UTRN: variants seen among roughly 807,000 people sequenced by gnomAD.
UTRN encodes the protein dystrophin-related protein 1.
A neutral mutation model predicts 463.9 loss-of-function variants in UTRN; 283 were observed. That is an observed-to-expected ratio of 0.61 (90% CI 0.55 to 0.67). The LOEUF (loss-of-function observed/expected upper bound fraction) is 0.67. UTRN is among the 30% of genes least tolerant of loss of function. UTRN has a pLI of 0.00. For missense variants in UTRN, 3,922 were observed against 4,084.3 expected (o/e 0.96, Z 1.08); for synonymous variants, 1,442 against 1,431.5 (o/e 1.01, Z -0.17).
At chr6:144,515,013 T>C (rs1795493475) in intron 37 of UTRN, among the ~76,000 whole-genome samples, 193 bp downstream of exon 37, 1 of 152,218 alleles carries the variant, frequency 6.6e-6, no homozygotes, top group Non-Finnish European at 1.5e-5. Context: ...GCTATTCTCC[T>C]GCCTCAGCCA....
chr6:144,490,182 CAGAT>C lies in UTRN; in HGVS notation c.4247_4250del (p.Gln1416ArgfsTer38), dbSNP rs1182718669. The C allele has an allele frequency of 1.2e-6, 2 of 1,610,152 alleles. No individual in the cohort carries two copies. The highest frequency in any genetic ancestry group is 1.7e-6 in the Non-Finnish European group (2 of 1,178,760). On this transcript the variant is annotated frameshift_variant, in exon 31 of 75. Transcript: ENST00000367545. LOFTEE classifies it high-confidence loss of function. ...GAGTAGGACTGCCAGAGGAGGAAGT[CAGAT>C]GGATGTGCTACAGGTAAAGAAGGCC...
At chr6:144,771,995 A>T in intron 59 of UTRN, 27 bp downstream of exon 59, 1 of 1,065,580 alleles carries the variant, frequency 9.4e-7, no homozygotes, top group Non-Finnish European at 1.3e-6. Context: ...GTAATAAATT[A>T]ACCTAAACAA....
At chr6:144,567,805 C>T (rs759730517) in intron 50 of UTRN, among the ~76,000 whole-genome samples, 14 of 152,212 alleles carry the variant, frequency 9.2e-5, no homozygotes, top group Non-Finnish European at 1.5e-4. Flanking sequence ...TGGCAACACA[C>T]ATTGATGGGT....
At chr6:144,792,655 T>C (rs1343345379) in intron 62 of UTRN, among the ~76,000 whole-genome samples, 2 of 152,256 alleles carry the variant, frequency 1.3e-5, no homozygotes, top group Non-Finnish European at 2.9e-5. Context: ...CTTCTATTCT[T>C]GGAAAATGTC....
intron 53 of UTRN, among the ~76,000 whole-genome samples, chr6:144,703,443 G>T (rs1190381646): frequency 6.6e-6 from 1 of 152,150 alleles, no homozygotes; most frequent in Non-Finnish European, 1.5e-5. Flanking sequence ...GGGATTGGAT[G>T]AGATCACCTA....
At chr6:144,660,487 G>A (rs1779763813) in intron 51 of UTRN, among the ~76,000 whole-genome samples, 1 of 152,032 alleles carries the variant, frequency 6.6e-6, no homozygotes, top group South Asian at 2.1e-4. Flanking sequence ...TTCTCATGAT[G>A]CCTGTCACTT....
intron 35 of UTRN, among the ~76,000 whole-genome samples, chr6:144,513,004 A>C (rs1212276258): frequency 6.6e-6 from 1 of 152,176 alleles, no homozygotes; most frequent in Admixed American, 6.5e-5. Context: ...GTCACACTCT[A>C]ACTTCTTGCC....
intron 13 of UTRN, among the ~76,000 whole-genome samples, chr6:144,443,157 G>GATTGTTCA (rs1787338090): frequency 6.6e-6 from 1 of 152,282 alleles, no homozygotes; most frequent in East Asian, 1.9e-4. Flanking sequence ...ACAATACTTG[G>GATTGTTCA]ATTTTCTGGT....
chr6:144,616,554 GC>G (rs1435491008), intron 51 of UTRN, among the ~76,000 whole-genome samples: 5 of 148,722 alleles, frequency 3.4e-5, no homozygotes, highest in African/African-American at 9.9e-5. Context: ...TTTTTGAAAA[GC>G]CCTTTTTTAA....
intron 51 of UTRN, among the ~76,000 whole-genome samples, chr6:144,591,141 A>G (rs1295896790): frequency 6.6e-6 from 1 of 152,158 alleles, no homozygotes; most frequent in Non-Finnish European, 1.5e-5. Flanking sequence ...TCTCTGAAGT[A>G]ACCCTTACAT....
chr6:144,375,139 T>C (rs1780345638), intron 2 of UTRN, among the ~76,000 whole-genome samples: 1 of 152,188 alleles, frequency 6.6e-6, no homozygotes, highest in African/African-American at 2.4e-5. Context: ...TGAATGTTTT[T>C]TGAAAATATT....
intron 53 of UTRN, among the ~76,000 whole-genome samples, chr6:144,718,507 A>G (rs1446479668): frequency 1.3e-5 from 2 of 152,146 alleles, no homozygotes; most frequent in African/African-American, 2.4e-5. Flanking sequence ...TAGTTTCAAA[A>G]TATCTTTTCA....
At chr6:144,703,019 T>C (rs1049827255) in intron 53 of UTRN, among the ~76,000 whole-genome samples, 1 of 152,106 alleles carries the variant, frequency 6.6e-6, no homozygotes, top group Non-Finnish European at 1.5e-5. Context: ...AAGAGTAGAA[T>C]ATAGAGGAGT....
At chr6:144,650,338 G>A (rs547004618) in intron 51 of UTRN, among the ~76,000 whole-genome samples, 1 of 152,272 alleles carries the variant, frequency 6.6e-6, no homozygotes, top group African/African-American at 2.4e-5. Flanking sequence ...AAAGAAGCAA[G>A]AAATATCAAA....
At chr6:144,344,585 C>T (rs1584365187) in intron 2 of UTRN, among the ~76,000 whole-genome samples, 1 of 152,168 alleles carries the variant, frequency 6.6e-6, no homozygotes, top group East Asian at 1.9e-4. Flanking sequence ...TTTGTGGTAG[C>T]AAATATGCTT....
At chr6:144,715,197 G>T (rs967801871) in intron 53 of UTRN, among the ~76,000 whole-genome samples, 1 of 152,092 alleles carries the variant, frequency 6.6e-6, no homozygotes, top group South Asian at 2.1e-4. Context: ...CCAGCGTTCT[G>T]CATTTCAGTT....
At chr6:144,713,293 T>C (rs1226451945) in intron 53 of UTRN, among the ~76,000 whole-genome samples, 1 of 152,172 alleles carries the variant, frequency 6.6e-6, no homozygotes, top group Non-Finnish European at 1.5e-5. Context: ...GGAATACATT[T>C]ATGTGTGCAT....
chr6:144,536,406 T>C (rs1197492084), intron 43 of UTRN, among the ~76,000 whole-genome samples: 1 of 152,142 alleles, frequency 6.6e-6, no homozygotes, highest in African/African-American at 2.4e-5. Flanking sequence ...GGAGGGTAGA[T>C]TACTTGTTTT....
chr6:144,401,122 C>A (rs554320763), intron 2 of UTRN, among the ~76,000 whole-genome samples: 1 of 152,078 alleles, frequency 6.6e-6, no homozygotes, highest in Non-Finnish European at 1.5e-5. Context: ...ATTTTTATGG[C>A]CCCAAATTCT....
Sources: allele counts gnomAD v4.1 joint callset (sites outside exome capture counted in the v4.1 genomes callset), GRCh38; gene constraint gnomAD v4.1.1; transcripts MANE v1.5; gene names NCBI Gene and HGNC (gene_info 2026-07-23, HGNC 2026-07-21).